MAP3K11: variants seen among roughly 807,000 people sequenced by gnomAD.
The protein encoded by MAP3K11 is SH3 domain-containing proline-rich kinase.
In MAP3K11, 46 loss-of-function variants were observed where a neutral mutation model predicts 84.9. That is an observed-to-expected ratio of 0.54 (90% CI 0.43 to 0.69). The LOEUF (loss-of-function observed/expected upper bound fraction) is 0.69, where lower values mean the gene tolerates loss of function less well. Ranked by LOEUF, MAP3K11 falls within the 30% of genes least tolerant of loss-of-function variation. The probability of loss-of-function intolerance (pLI) is 0.00; values close to 1 mark genes in which losing one functional copy is unlikely to be tolerated. For synonymous variants in MAP3K11, 527 were observed against 514.7 expected (o/e 1.02, Z -0.32); for missense variants, 1,053 against 1,198.3 (o/e 0.88, Z 1.79).
Position 65,599,758 on chromosome 11 carries a change from C to CG in MAP3K11, c.1841dup (p.Arg615AlafsTer3). Reference sequence around the variant, plus strand: ...GCTCCTCGGGCTCCAGGCTAGGCCGCGGGGGGTTACCTGCGGGCAGAGGCG... The same window carrying CG: ...GCTCCTCGGGCTCCAGGCTAGGCCGCGGGGGGGTTACCTGCGGGCAGAGGCG... On this transcript the variant is annotated frameshift_variant, in exon 9 of 10. Coordinates refer to ENST00000309100, the MANE Select transcript of MAP3K11 (RefSeq NM_002419.4). LOFTEE classifies it high-confidence loss of function. The CG allele has an allele frequency of 6.3e-7, 1 of 1,593,250 alleles. No homozygotes were observed. Among genetic ancestry groups the CG allele is most frequent in the Admixed American group, 1.7e-5 (1 of 59,198 alleles).
intron 8 of MAP3K11, among the ~76,000 whole-genome samples, chr11:65,600,192 C>G (rs922804914): frequency 2.6e-5 from 4 of 152,208 alleles, no homozygotes; most frequent in Non-Finnish European, 4.4e-5. Flanking sequence ...AGCCCTGCCC[C>G]TTCTGCCCAC....
intron 7 of MAP3K11, 29 bp downstream of exon 7, chr11:65,605,917 C>T: frequency 6.2e-7 from 1 of 1,609,490 alleles, no homozygotes; most frequent in Non-Finnish European, 8.5e-7. Context: ...GCAAATGATG[C>T]TGGGTCTGGG....
At chr11:65,600,851 G>A (rs891995920) in intron 8 of MAP3K11, among the ~76,000 whole-genome samples, 7 of 152,094 alleles carry the variant, frequency 4.6e-5, no homozygotes, top group African/African-American at 1.7e-4. Context: ...ATGTCGGGAG[G>A]GAGAAATACA....
chr11:65,612,872 T>C, intron 1 of MAP3K11, 146 bp downstream of exon 1: 1 of 898,176 alleles, frequency 1.1e-6, no homozygotes, highest in Non-Finnish European at 1.5e-6. Flanking sequence ...GGGGCTAGCT[T>C]GAGCCCATGG....
chr11:65,607,277 C>G lies in MAP3K11; in HGVS notation c.1482G>C (p.Met494Ile). 1 of 1,519,278 alleles carries G rather than the reference C, an allele frequency of 6.6e-7. No homozygotes were observed. Among genetic ancestry groups the G allele is most frequent in the Non-Finnish European group, 8.8e-7 (1 of 1,142,550 alleles). The allele number at this position is 1,519,278 out of a possible 1,614,324, so 94.1% of individuals were successfully genotyped here. A position where few individuals can be genotyped will look rare whatever the true frequency, so the allele number is the denominator to read the frequency against. ...CCGGGGCCCGGCCCTCACCGAGTGGCATGCTGATACGCTCGCCGCCGTCGC... is the reference window on the plus strand; with the variant it reads ...CCGGGGCCCGGCCCTCACCGAGTGGGATGCTGATACGCTCGCCGCCGTCGC... ...RARDGGERIS[M>I]PLDFKHRITV... Residue 494 changes from methionine (M) to isoleucine (I), a missense_variant, in exon 5 of 10, where the codon ATG (methionine) becomes ATC (isoleucine). Physicochemically the swap from Met to Ile is conservative, Grantham distance 10. This residue lies in a region of MAP3K11 where 583 missense variants were observed against 566.6 expected (regional missense o/e 1.03). Transcript: ENST00000309100.
Position 65,605,872 on chromosome 11 carries a change from G to A in MAP3K11, c.1740-20C>T, listed in dbSNP as rs558396227. ...CTTCTCCTGGTGATGGGAGGGCAAG[G>A]AGGGGTGCTTTAGGAATTTCAGGAC... On this transcript the variant is annotated intron_variant, in intron 7 of 9. Transcript: ENST00000309100. 8.3e-5 allele frequency: 134 copies of A among 1,612,926 alleles called. 1 individual carries two copies. In the South Asian group the frequency reaches 1.3e-3, roughly 16 times the overall value.
intron 8 of MAP3K11, among the ~76,000 whole-genome samples, chr11:65,599,999 A>G (rs1042257898): frequency 9.2e-5 from 14 of 152,346 alleles, no homozygotes; most frequent in South Asian, 6.2e-4. Flanking sequence ...GCAAAGCCCA[A>G]TGGCAGCCAG....
chr11:65,609,408 AAGG>A (rs1341553479), intron 1 of MAP3K11: 1 of 152,232 alleles, frequency 6.6e-6, no homozygotes, highest in Non-Finnish European at 1.5e-5. Flanking sequence ...CTTGGCCACA[AAGG>A]AGGAGCTTGG....
chr11:65,598,365 C>T lies in MAP3K11; in HGVS notation c.2470G>A (p.Gly824Ser), dbSNP rs1376468437. The T allele has an allele frequency of 2.6e-6, 4 of 1,541,034 alleles. No homozygotes were observed. Among genetic ancestry groups the T allele is most frequent in the Non-Finnish European group, 8.8e-7 (1 of 1,141,846 alleles). ...GTCTGTGCCCTGCAGTCCTGGGGGCCCCCCTGGAAGGGGTTGGCAGGTGGG... is the reference window on the plus strand; with the variant it reads ...GTCTGTGCCCTGCAGTCCTGGGGGCTCCCCTGGAAGGGGTTGGCAGGTGGG... ...DSPPANPFQG[G>S]PQDCRAQTKD... The change falls in exon 10 of 10, where the codon GGC becomes AGC. Residue 824 changes from glycine to serine, a missense_variant. By Grantham distance (56) the Gly-to-Ser change is moderately conservative (BLOSUM62 0). Coordinates refer to ENST00000309100, the MANE Select transcript of MAP3K11 (RefSeq NM_002419.4).
At chr11:65,604,775 T>C (rs1854489536) in intron 8 of MAP3K11, among the ~76,000 whole-genome samples, 1 of 152,176 alleles carries the variant, frequency 6.6e-6, no homozygotes, top group African/African-American at 2.4e-5. Flanking sequence ...AACAGGACTC[T>C]TCTGAGAGCA....
chr11:65,598,626 C>T lies in MAP3K11; in HGVS notation c.2209G>A (p.Gly737Ser). 1.3e-6 allele frequency: 2 copies of T among 1,507,152 alleles called. No homozygotes were observed. The highest frequency in any genetic ancestry group is 1.8e-6 in the Non-Finnish European group (2 of 1,121,796). The allele number at this position is 1,507,152 out of a possible 1,614,324, so 93.4% of individuals were successfully genotyped here. ...SPRREEEPRG[G>S]TVSPPPGTSR... ...GTCCCCGGTGGGGGTGAGACAGTGC[C>T]TCCTGTGAGGATATAGGAGGGGCAC... The change falls in exon 10 of 10, where the codon GGC becomes AGC. Residue 737 changes from glycine to serine, a missense_variant and splice_region_variant. This residue lies in a region of MAP3K11 where 583 missense variants were observed against 566.6 expected (regional missense o/e 1.03). Transcript: ENST00000309100.
chr11:65,608,182 G>A (rs2135371181), intron 2 of MAP3K11, 86 bp downstream of exon 2: 1 of 1,590,808 alleles, frequency 6.3e-7, no homozygotes, highest in East Asian at 2.3e-5. Context: ...CCCTGTCCCT[G>A]GACTTGGCCC....
rs749690694 is a variant in MAP3K11 at position 65,605,784 on chromosome 11, G to A, written c.1808C>T (p.Pro603Leu). 4 of 1,611,026 alleles carry A rather than the reference G, an allele frequency of 2.5e-6. No individual in the cohort carries two copies. In the South Asian group the frequency reaches 3.3e-5, roughly 13 times the overall value. ...ACCATTGAGTGCTGGGGGTGTGGAA[G>A]GAGATCCTAAGGGGGATGAGTCATC... is the stretch of plus-strand genomic sequence containing the variant. ...DSDDSSPLGSPSTPPALNGNP... is the reference protein window; with the variant it reads ...DSDDSSPLGSLSTPPALNGNP... The change falls in exon 8 of 10, where the codon CCT (proline) becomes CTT (leucine). Residue 603 changes from proline (P) to leucine (L), a missense_variant. Pro to Leu is a moderately conservative substitution (Grantham distance 98). This residue lies in a region of MAP3K11 where 583 missense variants were observed against 566.6 expected (regional missense o/e 1.03). Transcript: ENST00000309100.
At chr11:65,605,297 C>T (rs941676768) in intron 8 of MAP3K11, among the ~76,000 whole-genome samples, 1 of 152,102 alleles carries the variant, frequency 6.6e-6, no homozygotes, top group African/African-American at 2.4e-5. Context: ...TTCTCTTCTT[C>T]ACCTACAGGC....
chr11:65,612,935 A>G (rs1460043695), intron 1 of MAP3K11, 83 bp downstream of exon 1: 3 of 1,448,368 alleles, frequency 2.1e-6, no homozygotes, highest in African/African-American at 2.9e-5. Context: ...CCTGCAGTAG[A>G]CCCTAAGCTA....
chr11:65,607,536 G>A, intron 4 of MAP3K11, 23 bp from the exon 5 acceptor site: 1 of 1,554,030 alleles, frequency 6.4e-7, no homozygotes, highest in Admixed American at 1.9e-5. Context: ...CAGCGATGGT[G>A]GAGAGGTCAG....
In MAP3K11 at chr11:65,613,641, G is replaced by A. The variant is rs142992228; in HGVS notation, c.116C>T (p.Ala39Val). Residue 39 changes from alanine to valine, a missense_variant, in exon 1 of 10, where the codon GCG becomes GTG. Physicochemically the swap from Ala to Val is moderately conservative, Grantham distance 64 (BLOSUM62 0). This residue lies in a region of MAP3K11 where 160 missense variants were observed against 167.3 expected (regional missense o/e 0.96). Transcript: ENST00000309100. ...TGTCCACACCGGGTTGGCATAACCCGCTGCCTTTGGAGACCCCTCAGGCCG... is the reference window on the plus strand; with the variant it reads ...TGTCCACACCGGGTTGGCATAACCCACTGCCTTTGGAGACCCCTCAGGCCG... ...GGRPEGSPKA[A>V]GYANPVWTAL... 2.6e-5 allele frequency: 42 copies of A among 1,612,826 alleles called. 1 individual carries two copies. The highest frequency in any genetic ancestry group is 3.4e-5 in the Non-Finnish European group (40 of 1,179,988).
chr11:65,607,493 C>G lies in MAP3K11; in HGVS notation c.1266G>C (p.Glu422Asp). The G allele has an allele frequency of 7.0e-6, 11 of 1,573,120 alleles. No individual in the cohort carries two copies. Among genetic ancestry groups the G allele is most frequent in the Non-Finnish European group, 9.4e-6 (11 of 1,168,162 alleles). ...AKEKELLSRE[E>D]ELTRAAREQR... ...GCTCGCGCGCCGCTCGCGTCAGCTC[C>G]TCCTCGCGGCTCAGTAGTTCCTGCG... The change falls in exon 5 of 10, where the codon GAG becomes GAC. Residue 422 changes from glutamate to aspartate, a missense_variant. Glu to Asp is a conservative substitution (Grantham distance 45). Around this residue, in one of 3 missense-constraint regions of MAP3K11, gnomAD observed 310 missense variants for 464.5 expected, o/e 0.67. Transcript: ENST00000309100.
At position 65,605,963 on chromosome 11, in the gene MAP3K11, C is replaced by A. The variant is rs1182170145; in HGVS notation, c.1722G>T (p.Gly574=). ...WAWGPSSPKP[G]EAQNGRRRSR... is the part of the protein sequence containing the mutation. ...GTACTCACCTCCCATTCTGGGCTTC[C>A]CCAGGCTTGGGGGAACTGGGACCCC... is the stretch of plus-strand genomic sequence containing the variant. Residue 574 remains glycine, a synonymous_variant, in exon 7 of 10, where the codon GGG becomes GGT. Transcript: ENST00000309100. 4.4e-6 allele frequency: 7 copies of A among 1,602,548 alleles called. No individual in the cohort carries two copies. The highest frequency in any genetic ancestry group is 2.2e-5 in the South Asian group (2 of 90,224).
Sources: allele counts gnomAD v4.1 joint callset (sites outside exome capture counted in the v4.1 genomes callset), GRCh38; gene constraint gnomAD v4.1.1; regional missense constraint gnomAD v4.1.1; transcripts MANE v1.5; gene names NCBI Gene and HGNC (gene_info 2026-07-23, HGNC 2026-07-21).